The following SSC5D variants were observed in gnomAD, a reference collection of about 807,000 sequenced individuals.
SSC5D encodes the protein scavenger receptor cysteine rich family member with 5 domains.
In SSC5D, 106 loss-of-function variants were observed where a neutral mutation model predicts 104.6. That is an observed-to-expected ratio of 1.01 (90% confidence interval 0.87 to 1.19). The LOEUF (loss-of-function observed/expected upper bound fraction) is 1.19, where lower values mean the gene tolerates loss of function less well. SSC5D is among the 50% of genes most tolerant of loss of function. The probability of loss-of-function intolerance (pLI) is 0.00; values close to 1 mark genes in which losing one functional copy is unlikely to be tolerated. For synonymous variants in SSC5D, 860 were observed against 883.5 expected (o/e 0.97, Z 0.47); for missense variants, 1,993 against 2,153.8 (o/e 0.93, Z 1.48).
intron 6 of SSC5D, 93 bp from the exon 7 acceptor site, chr19:55,493,502 G>C: frequency 9.0e-7 from 1 of 1,115,754 alleles, no homozygotes. Flanking sequence ...GCTTCCCAGA[G>C]TCATCTTGGG....
rs1435736460 is a variant in SSC5D, at chr19:55,500,383, C to T, written c.2273C>T (p.Ser758Phe). Residue 758 changes from serine (S) to phenylalanine (F), a missense_variant, in exon 10 of 14, where the codon TCT (serine) becomes TTT (phenylalanine). Coordinates refer to ENST00000389623, the MANE Select transcript of SSC5D (RefSeq NM_001144950.2). The surrounding 1 kb of genome is among the most constrained non-coding windows in gnomAD (Gnocchi z 4.6). ...GAGTCACCCAAAGACCCGGCCCCCTCTCCCAGTGTTAGCACCACTGGGGAA... is the reference window on the plus strand; with the variant it reads ...GAGTCACCCAAAGACCCGGCCCCCTTTCCCAGTGTTAGCACCACTGGGGAA... The part of the protein sequence containing the change: ...SPESPKDPAP[S>F]PSVSTTGESG... 18 of 1,551,306 alleles carry T rather than the reference C, an allele frequency of 1.2e-5. No individual in the cohort carries two copies. The highest frequency in any genetic ancestry group is 1.6e-5 in the Non-Finnish European group (18 of 1,146,840).
Position 55,500,059 on chromosome 19 carries a change from A to G in SSC5D, c.1949A>G (p.Lys650Arg). ...TTQPPVMPTT[K>R]HSRAQSPPDL... ...CAACCCCCAGTGATGCCAACCACGA[A>G]ACACTCCAGGGCCCAAAGCCCCCCA... Residue 650 changes from lysine to arginine, a missense_variant, in exon 10 of 14, where the codon AAA becomes AGA. This residue lies in a region of SSC5D where 1,101 missense variants were observed against 1,085.0 expected (regional missense o/e 1.01). Transcript: ENST00000389623. The surrounding 1 kb of genome is among the most constrained non-coding windows in gnomAD (Gnocchi z 4.6). 2 of 1,551,672 alleles carry G rather than the reference A, an allele frequency of 1.3e-6. No individual in the cohort carries two copies. Among genetic ancestry groups the G allele is most frequent in the Admixed American group, 3.9e-5 (2 of 50,984 alleles).
rs869296361 is a variant in SSC5D, at chr19:55,506,373, ATTTTTTTTTTTTTTTT to A, written c.2785+5196_2785+5211del. 4.3e-3 allele frequency among the ~76,000 whole-genome samples: 307 copies of A among 72,036 alleles called. 2 individuals carry two copies. The highest frequency in any genetic ancestry group is 0.016 in the African/African-American group (283 of 18,008). The allele number at this position is 72,036 out of a possible 152,430, so 47.3% of individuals were successfully genotyped here. ...GAGATTGGAGGCCTGTGGAATTTGG[ATTTTTTTTTTTTTTTT>A]TTTTTTTTTTTTTTTTTTTTTTTGA... On this transcript the variant is annotated intron_variant, in intron 12 of 13. Transcript: ENST00000389623.
At position 55,504,444 on chromosome 19, in the gene SSC5D, A is replaced by G. The variant is rs1042411050; in HGVS notation, c.2785+3243A>G. On this transcript the variant is annotated intron_variant, in intron 12 of 13. Transcript: ENST00000389623. ...GCATTCTTAGCTTCAGGAGCAATGT[A>G]ACCTTGAAAAAGTGACTTGGTCTCT... is the stretch of plus-strand genomic sequence containing the variant. The G allele has an allele frequency of 2.0e-5, 3 of 147,252 alleles. No homozygotes were observed. The South Asian group carries it at 7.0e-4, about 34-fold the overall frequency. The allele number at this position is 147,252 out of a possible 1,614,324, so 9.1% of individuals were successfully genotyped here.
At chr19:55,507,099 G>T (rs1987652007) in intron 12 of SSC5D, among the ~76,000 whole-genome samples, 1 of 151,778 alleles carries the variant, frequency 6.6e-6, no homozygotes, top group Non-Finnish European at 1.5e-5. Flanking sequence ...AACCTGGGAG[G>T]CGGAGGCCAC....
intron 8 of SSC5D, 47 bp downstream of exon 8, chr19:55,494,830 T>C (rs1219658973): frequency 1.3e-6 from 2 of 1,492,218 alleles, no homozygotes. Flanking sequence ...TTCCTTCTGT[T>C]TCCTTCCCTC....
rs868828952 is a variant in SSC5D, at chr19:55,517,620, C to G, written c.3344C>G (p.Ser1115Ter). 6.4e-7 allele frequency: 1 copy of G among 1,551,828 alleles called. No individual in the cohort carries two copies. Among genetic ancestry groups the G allele is most frequent in the Non-Finnish European group, 8.7e-7 (1 of 1,147,058 alleles). ...GAGGTGACCAGCCTTTCCCCTACCT[C>G]AGAGCAGGTCCCAGAATCTGACACA... is the stretch of plus-strand genomic sequence containing the variant. ...PSEVTSLSPT[S>*]EQVPESDTTP... is the part of the protein sequence containing the mutation. Residue 1115 changes from serine to a stop codon, truncating the protein, a stop_gained, in exon 14 of 14, where the codon TCA becomes TGA. Transcript: ENST00000389623. LOFTEE classifies it low-confidence loss of function (END_TRUNC).
chr19:55,488,448 G>A lies in SSC5D; in HGVS notation c.-142G>A. The A allele has an allele frequency of 2.4e-6, 1 of 421,406 alleles. No homozygotes were observed. Among genetic ancestry groups the A allele is most frequent in the Non-Finnish European group, 4.2e-6 (1 of 239,712 alleles). 26.1% of individuals were successfully genotyped at this position (421,406 alleles called of 1,614,324 possible). A position where few individuals can be genotyped will look rare whatever the true frequency, so the allele number is the denominator to read the frequency against. On this transcript the variant is annotated 5_prime_UTR_variant, in exon 1 of 14. Transcript: ENST00000389623. ...CAGCCTCTTTCTTCCTCCTGGCAAA[G>A]CGTCCAGCCCTGCCTGCTCCTCCTC...
intron 12 of SSC5D, among the ~76,000 whole-genome samples, chr19:55,502,662 T>C (rs527949554): frequency 1.2e-3 from 189 of 151,760 alleles, no homozygotes; most frequent in Non-Finnish European, 2.3e-3. Context: ...TAAATTTCTC[T>C]CTCTCTTTTT....
chr19:55,493,938 G>C, intron 7 of SSC5D, 26 bp downstream of exon 7: 1 of 1,523,884 alleles, frequency 6.6e-7, no homozygotes, highest in African/African-American at 1.4e-5. Context: ...TGGAGGACCG[G>C]GAGGTGGGCG....
chr19:55,494,898 C>T, intron 8 of SSC5D, 115 bp downstream of exon 8: 1 of 1,231,860 alleles, frequency 8.1e-7, no homozygotes. Flanking sequence ...AGAAGAGGAG[C>T]ACAGGGGCCT....
rs903074288 is a variant in SSC5D at position 55,500,823 on chromosome 19, G to A, written c.2617+19G>A. 22 of 1,539,770 alleles carry A rather than the reference G, an allele frequency of 1.4e-5. No homozygotes were observed. The African/African-American group carries it at 1.7e-4, about 12-fold the overall frequency. ...TGCACTGGTACCAGGGCATGGCGGC[G>A]GTGGTGGGGTTGTCGGGGGTGGCCA... is the stretch of plus-strand genomic sequence containing the variant. On this transcript the variant is annotated intron_variant, in intron 11 of 13. Transcript: ENST00000389623. This position sits in a 1 kb window ranked among gnomAD's most constrained non-coding sequence, Gnocchi z 4.6.
At chr19:55,497,007 G>T (rs1007295958) in intron 8 of SSC5D, among the ~76,000 whole-genome samples, 1 of 152,194 alleles carries the variant, frequency 6.6e-6, no homozygotes, top group Non-Finnish European at 1.5e-5. Flanking sequence ...TGATCTGCCC[G>T]CCTGGGCCTC....
At chr19:55,502,887 C>G (rs1987542842) in intron 12 of SSC5D, among the ~76,000 whole-genome samples, 1 of 151,904 alleles carries the variant, frequency 6.6e-6, no homozygotes. Context: ...GTGGTCTCGG[C>G]TCACTGCAAC....
intron 12 of SSC5D, among the ~76,000 whole-genome samples, chr19:55,507,034 C>T (rs755351511): frequency 2.6e-4 from 40 of 151,236 alleles, no homozygotes; most frequent in Admixed American, 7.9e-4. Context: ...CCTGGTGTGG[C>T]GGTGCATGCC....
chr19:55,490,019 C>T, intron 4 of SSC5D, 24 bp downstream of exon 4: 1 of 1,514,772 alleles, frequency 6.6e-7, no homozygotes, highest in Non-Finnish European at 8.9e-7. Context: ...ACTGCCCTGC[C>T]AACCCCCACC....
rs1229441096 is a variant in SSC5D, at chr19:55,518,863, A to C, written c.4587A>C (p.Val1529=). Residue 1529 remains valine, a synonymous_variant, in exon 14 of 14, where the codon GTA becomes GTC. Coordinates refer to ENST00000389623, the MANE Select transcript of SSC5D (RefSeq NM_001144950.2). ...QALLLGLTQL[V]EAARGLGQLG... ...TGCTGCTGGGGCTGACGCAGCTGGT[A>C]GAAGCTGCCCGGGGTCTGGGGCAGC... 5 of 1,550,360 alleles carry C rather than the reference A, an allele frequency of 3.2e-6. No homozygotes were observed. The East Asian group carries it at 1.2e-4, about 38-fold the overall frequency.
intron 2 of SSC5D, 83 bp from the exon 3 acceptor site, chr19:55,489,271 C>T (rs888411809): frequency 1.5e-6 from 2 of 1,372,302 alleles, no homozygotes; most frequent in African/African-American, 3.1e-5. Flanking sequence ...ACCTGCAGGA[C>T]AGCCACCTGC....
At chr19:55,513,952 C>T (rs979375406) in intron 13 of SSC5D, among the ~76,000 whole-genome samples, 14 of 152,122 alleles carry the variant, frequency 9.2e-5, no homozygotes, top group Admixed American at 2.6e-4. Flanking sequence ...GAAATGCCCA[C>T]GCTCATCAGG....
Sources: allele counts gnomAD v4.1 joint callset (sites outside exome capture counted in the v4.1 genomes callset), GRCh38; gene constraint gnomAD v4.1.1; regional missense constraint gnomAD v4.1.1; non-coding constraint Gnocchi (gnomAD v3.1); transcripts MANE v1.5; gene names NCBI Gene and HGNC (gene_info 2026-07-23, HGNC 2026-07-21).